The following PCDHGA4 variants were observed in gnomAD, a reference collection of about 807,000 sequenced individuals.
The protein encoded by PCDHGA4 is protocadherin gamma subfamily A, 4.
In PCDHGA4, 38 loss-of-function variants were observed where a neutral mutation model predicts 54.6. The ratio of observed to expected loss-of-function variants is 0.70; its 90% confidence interval spans 0.54 to 0.91. The LOEUF is 0.91. Ranked by LOEUF, PCDHGA4 falls within the 40% of genes least tolerant of loss-of-function variation. The pLI is 0.00. For missense variants in PCDHGA4, 1,298 were observed against 1,220.9 expected (o/e 1.06, Z -0.94); for synonymous variants, 511 against 512.9 (o/e 1.00, Z 0.05).
rs2099745754 is a variant in PCDHGA4 at position 141,493,023 on chromosome 5, T to A, written c.2515-1784T>A. Among the ~76,000 whole-genome samples the A allele has an allele frequency of 6.6e-6, 1 of 152,190 alleles. No individual in the cohort carries two copies. The highest frequency in any genetic ancestry group is 2.4e-5 in the African/African-American group (1 of 41,450). On this transcript the variant is annotated intron_variant, in intron 1 of 3. Coordinates refer to ENST00000571252, the MANE Select transcript of PCDHGA4 (RefSeq NM_018917.4). The surrounding 1 kb of genome is among the most constrained non-coding windows in gnomAD (Gnocchi z 4.3). ...CTATAGGCTCTGCCAGATGCCAGGGTGCCCTTATGTGTGAGGAAACTACAA... is the reference window on the plus strand; with the variant it reads ...CTATAGGCTCTGCCAGATGCCAGGGAGCCCTTATGTGTGAGGAAACTACAA...
At chr5:141,509,650 T>C (rs1484029268) in intron 3 of PCDHGA4, among the ~76,000 whole-genome samples, 1 of 152,188 alleles carries the variant, frequency 6.6e-6, no homozygotes, top group African/African-American at 2.4e-5. Context: ...GGCCAGAGTG[T>C]GGACTTCTCT....
At chr5:141,505,353 G>A (rs376781305) in intron 2 of PCDHGA4, 40 bp from the exon 3 acceptor site, 51 of 1,613,426 alleles carry the variant, frequency 3.2e-5, no homozygotes, top group East Asian at 2.7e-4. Flanking sequence ...GAGCTGTGCC[G>A]GCCTGGGAGT....
chr5:141,356,983 G>A lies in PCDHGA4; in HGVS notation c.1876G>A (p.Asp626Asn), dbSNP rs1401972827. 1.2e-6 allele frequency: 2 copies of A among 1,614,118 alleles called. No individual in the cohort carries two copies. Among genetic ancestry groups the A allele is most frequent in the Non-Finnish European group, 1.7e-6 (2 of 1,180,042 alleles). ...GYLVTKVVAV[D>N]RDSGQNAWLS... ...CCTGGTGACCAAAGTGGTGGCAGTG[G>A]ACAGAGACTCAGGTCAGAATGCCTG... The change falls in exon 1 of 4, where the codon GAC (aspartate) becomes AAC (asparagine). Residue 626 changes from aspartate to asparagine, a missense_variant. Asp to Asn is a conservative substitution (Grantham distance 23, BLOSUM62 1). Coordinates refer to ENST00000571252, the MANE Select transcript of PCDHGA4 (RefSeq NM_018917.4).
intron 1 of PCDHGA4, chr5:141,417,490 T>C (rs1296739869): frequency 4.7e-6 from 1 of 210,618 alleles, no homozygotes; most frequent in Non-Finnish European, 9.3e-6. Context: ...AAGGAATCAC[T>C]GAGGAAAAAG....
chr5:141,377,843 A>C (rs1774391445), intron 1 of PCDHGA4: 1 of 152,166 alleles, frequency 6.6e-6, no homozygotes, highest in Admixed American at 6.5e-5. Flanking sequence ...ATTATCTTCC[A>C]ATTAAAATTA....
At chr5:141,371,745 G>T (rs767038146) in intron 1 of PCDHGA4, 2 of 1,614,002 alleles carry the variant, frequency 1.2e-6, no homozygotes, top group South Asian at 2.2e-5. Flanking sequence ...CAACGTTCCC[G>T]TTTTCCACCA....
At chr5:141,407,910 G>A in intron 1 of PCDHGA4, 1 of 428,786 alleles carries the variant, frequency 2.3e-6, no homozygotes, top group Non-Finnish European at 4.1e-6. Flanking sequence ...GAAAAACCGG[G>A]CTGCTGTCCC....
intron 1 of PCDHGA4, chr5:141,374,747 C>A (rs764039295): frequency 1.9e-6 from 3 of 1,612,140 alleles, no homozygotes; most frequent in Non-Finnish European, 2.5e-6. Context: ...CGACCCTGTC[C>A]GCTCAAGCGT....
chr5:141,413,129 A>T (rs761379605), intron 1 of PCDHGA4: 41 of 1,536,352 alleles, frequency 2.7e-5, no homozygotes, highest in Non-Finnish European at 3.6e-5. Context: ...GTTGAAACAC[A>T]CAACGTGTCC....
chr5:141,418,045 G>C (rs754041387), intron 1 of PCDHGA4: 2 of 1,614,002 alleles, frequency 1.2e-6, no homozygotes, highest in Admixed American at 1.7e-5. Context: ...TGGATGTGTC[G>C]GCTCGCGAGC....
intron 1 of PCDHGA4, chr5:141,365,447 G>T (rs931548015): frequency 6.2e-7 from 1 of 1,614,034 alleles, no homozygotes; most frequent in Middle Eastern, 1.6e-4. Context: ...TAGCGTACAT[G>T]ATGGTGATTC....
intron 1 of PCDHGA4, among the ~76,000 whole-genome samples, chr5:141,397,505 T>A (rs2093531906): frequency 6.6e-6 from 1 of 152,158 alleles, no homozygotes; most frequent in South Asian, 2.1e-4. Context: ...ATGATAAAAT[T>A]GTTTCCATAG....
intron 1 of PCDHGA4, among the ~76,000 whole-genome samples, chr5:141,483,658 G>C (rs906346163): frequency 1.4e-4 from 22 of 152,028 alleles, no homozygotes; most frequent in Non-Finnish European, 2.4e-4. Context: ...TTGTGTGTGT[G>C]TGTGTGTGTG....
intron 1 of PCDHGA4, chr5:141,360,718 A>G: frequency 6.2e-7 from 1 of 1,613,968 alleles, no homozygotes; most frequent in Non-Finnish European, 8.5e-7. Flanking sequence ...TCCTGAGTTG[A>G]TTCTAAAACA....
In PCDHGA4 at chr5:141,493,577, T is replaced by C. The variant is rs2099749081; in HGVS notation, c.2515-1230T>C. On this transcript the variant is annotated intron_variant, in intron 1 of 3. Coordinates refer to ENST00000571252, the MANE Select transcript of PCDHGA4 (RefSeq NM_018917.4). This position sits in a 1 kb window ranked among gnomAD's most constrained non-coding sequence, Gnocchi z 4.3. ...GAGTTCCCCCAGCTCCGTTTCCTCC[T>C]ATCACAATCACTGCATTTCCATGTA... Among the ~76,000 whole-genome samples, 2 of 152,208 alleles carry C rather than the reference T, an allele frequency of 1.3e-5. No homozygotes were observed. The highest frequency in any genetic ancestry group is 1.3e-4 in the Admixed American group (2 of 15,280).
Position 141,477,256 on chromosome 5 carries a change from T to G in PCDHGA4, c.2515-17551T>G. 2 of 1,614,210 alleles carry G rather than the reference T, an allele frequency of 1.2e-6. No homozygotes were observed. The highest frequency in any genetic ancestry group is 1.7e-6 in the Non-Finnish European group (2 of 1,180,038). On this transcript the variant is annotated intron_variant, in intron 1 of 3. Coordinates refer to ENST00000571252, the MANE Select transcript of PCDHGA4 (RefSeq NM_018917.4). This position sits in a 1 kb window ranked among gnomAD's most constrained non-coding sequence, Gnocchi z 4.9. Reference sequence around the variant, plus strand: ...CTTTGCTCAGTGTGACTGACCTGGATGCTGGCGAGAACGGGCTGGTGACCT... The same window carrying G: ...CTTTGCTCAGTGTGACTGACCTGGAGGCTGGCGAGAACGGGCTGGTGACCT...
chr5:141,506,471 C>T (rs2099854191), intron 3 of PCDHGA4, among the ~76,000 whole-genome samples: 2 of 148,834 alleles, frequency 1.3e-5, no homozygotes, highest in African/African-American at 5.0e-5. Flanking sequence ...AAAAAGAGCA[C>T]AGGCTTTAGA....
At chr5:141,421,972 C>T (rs764728654) in intron 1 of PCDHGA4, 2 of 1,609,892 alleles carry the variant, frequency 1.2e-6, no homozygotes, top group African/African-American at 2.7e-5. Context: ...GTCCGTATAT[C>T]GCGTGAGTGT....
chr5:141,359,233 G>A (rs1200901536), intron 1 of PCDHGA4, among the ~76,000 whole-genome samples: 2 of 152,030 alleles, frequency 1.3e-5, no homozygotes, highest in East Asian at 3.8e-4. Flanking sequence ...AGGAGAGATT[G>A]TTTAAAGTAA....
Sources: allele counts gnomAD v4.1 joint callset (sites outside exome capture counted in the v4.1 genomes callset), GRCh38; gene constraint gnomAD v4.1.1; non-coding constraint Gnocchi (gnomAD v3.1); transcripts MANE v1.5; gene names NCBI Gene and HGNC (gene_info 2026-07-23, HGNC 2026-07-21).